The following PLCB1 variants were observed in gnomAD, a reference collection of about 807,000 sequenced individuals.
PLCB1 encodes 1-phosphatidylinositol 4,5-bisphosphate phosphodiesterase beta-1.
A neutral mutation model predicts 161.8 loss-of-function variants in PLCB1; 46 were observed. The ratio of observed to expected loss-of-function variants is 0.28; its 90% CI spans 0.22 to 0.36. PLCB1 has a LOEUF of 0.36. PLCB1 is among the 10% of genes least tolerant of loss of function. The pLI is 1.00. For synonymous variants in PLCB1, 517 were observed against 503.7 expected, an observed-to-expected ratio of 1.03 and a Z score of -0.35; for missense variants, 1,016 against 1,472.5, an observed-to-expected ratio of 0.69 and a Z score of 5.07.
chr20:8,529,827 A>G (rs1984729851), intron 3 of PLCB1, among the ~76,000 whole-genome samples: 1 of 151,988 alleles, frequency 6.6e-6, no homozygotes, highest in South Asian at 2.1e-4. Flanking sequence ...TATTCTTGTC[A>G]TTGCCCCCAA....
At chr20:8,154,798 G>GTAC (rs1471206941) in intron 2 of PLCB1, among the ~76,000 whole-genome samples, 1 of 152,008 alleles carries the variant, frequency 6.6e-6, no homozygotes, top group Non-Finnish European at 1.5e-5. Context: ...TATTCTAGAT[G>GTAC]TACTCCTTTA....
At chr20:8,218,048 C>G (rs1979223718) in intron 2 of PLCB1, among the ~76,000 whole-genome samples, 1 of 152,132 alleles carries the variant, frequency 6.6e-6, no homozygotes, top group Non-Finnish European at 1.5e-5. Context: ...ACAACATGGA[C>G]TAAGACAGGT....
chr20:8,198,012 G>T (rs1190031897), intron 2 of PLCB1, among the ~76,000 whole-genome samples: 1 of 152,052 alleles, frequency 6.6e-6, no homozygotes, highest in Non-Finnish European at 1.5e-5. Flanking sequence ...CTGTTCCATT[G>T]GTCTATATCT....
At chr20:8,535,292 T>C (rs1176629147) in intron 3 of PLCB1, among the ~76,000 whole-genome samples, 3 of 151,418 alleles carry the variant, frequency 2.0e-5, no homozygotes, top group African/African-American at 7.3e-5. Flanking sequence ...ACTATTTTGT[T>C]GTAATTAGAA....
At chr20:8,726,647 C>T (rs554403438) in intron 16 of PLCB1, among the ~76,000 whole-genome samples, 2 of 152,048 alleles carry the variant, frequency 1.3e-5, no homozygotes, top group South Asian at 2.1e-4. Context: ...GGGAACCACG[C>T]CCATAATTCA....
chr20:8,301,844 C>G (rs1161560594), intron 2 of PLCB1, among the ~76,000 whole-genome samples: 2 of 152,252 alleles, frequency 1.3e-5, no homozygotes. Flanking sequence ...GTATTTACGT[C>G]ATCTCCAGGA....
intron 26 of PLCB1, among the ~76,000 whole-genome samples, chr20:8,771,651 T>G (rs1027314540): frequency 6.6e-6 from 1 of 152,094 alleles, no homozygotes; most frequent in African/African-American, 2.4e-5. Context: ...TTCACTTGTT[T>G]TTTTCTTGTG....
chr20:8,418,788 C>T (rs78743514), intron 3 of PLCB1, among the ~76,000 whole-genome samples: 2,985 of 152,230 alleles, frequency 0.02, 99 homozygotes, highest in African/African-American at 0.067. Flanking sequence ...TTGGCTGAAA[C>T]ACACAGATGA....
intron 2 of PLCB1, among the ~76,000 whole-genome samples, chr20:8,310,517 G>A (rs1300252282): frequency 6.6e-6 from 1 of 152,186 alleles, no homozygotes; most frequent in African/African-American, 2.4e-5. Flanking sequence ...TGGGTGCTGG[G>A]ACAGGGATGG....
intron 27 of PLCB1, among the ~76,000 whole-genome samples, chr20:8,784,885 C>T (rs565614730): frequency 6.6e-6 from 1 of 152,026 alleles, no homozygotes; most frequent in African/African-American, 2.4e-5. Flanking sequence ...TGAATGTGAG[C>T]TTTCAGAGCT....
intron 2 of PLCB1, chr20:8,248,937 G>A (rs776617104): frequency 6.6e-6 from 1 of 151,932 alleles, no homozygotes; most frequent in African/African-American, 2.4e-5. Flanking sequence ...TAAGCTGAGA[G>A]ATTTACTTCT....
intron 3 of PLCB1, among the ~76,000 whole-genome samples, chr20:8,566,600 G>T (rs1437698223): frequency 6.6e-6 from 1 of 152,050 alleles, no homozygotes; most frequent in African/African-American, 2.4e-5. Flanking sequence ...GCTTTGTTTT[G>T]CTTGGTTGGT....
chr20:8,377,009 T>C (rs1264314327), intron 3 of PLCB1, among the ~76,000 whole-genome samples: 1 of 151,948 alleles, frequency 6.6e-6, no homozygotes, highest in Non-Finnish European at 1.5e-5. Flanking sequence ...ACTATTTCCA[T>C]GGAGGCAAAT....
At chr20:8,363,230 T>C (rs546044716) in intron 2 of PLCB1, among the ~76,000 whole-genome samples, 1 of 152,300 alleles carries the variant, frequency 6.6e-6, no homozygotes, top group South Asian at 2.1e-4. Flanking sequence ...ACAACAAACA[T>C]TTATTATCTC....
At chr20:8,490,233 C>A (rs1212668661) in intron 3 of PLCB1, among the ~76,000 whole-genome samples, 1 of 152,158 alleles carries the variant, frequency 6.6e-6, no homozygotes, top group Non-Finnish European at 1.5e-5. Flanking sequence ...TAATCCATTT[C>A]TGAGCCAAAA....
Position 8,371,388 on chromosome 20 carries a change from G to A in PLCB1, c.184G>A (p.Glu62Lys). The change falls in exon 3 of 32, where the codon GAG becomes AAG. Residue 62 changes from glutamate (E) to lysine (K), a missense_variant. Transcript: ENST00000338037. ...FYWTDQNKET[E>K]LLDLSLVKDA... The stretch of plus-strand genomic sequence containing the variant: ...TCACGTTTTTGCCTTCCAGGAGACA[G>A]AGCTACTGGATCTCAGCCTTGTCAA... 1 of 1,612,406 alleles carries A rather than the reference G, an allele frequency of 6.2e-7. No homozygotes were observed. The highest frequency in any genetic ancestry group is 8.5e-7 in the Non-Finnish European group (1 of 1,178,808).
chr20:8,489,026 C>G (rs538680395), intron 3 of PLCB1, among the ~76,000 whole-genome samples: 4 of 152,218 alleles, frequency 2.6e-5, no homozygotes, highest in Non-Finnish European at 5.9e-5. Context: ...AAATAAAATA[C>G]CTCATTTTAT....
intron 3 of PLCB1, among the ~76,000 whole-genome samples, chr20:8,425,131 T>TTG (rs1979699456): frequency 1.4e-4 from 4 of 28,848 alleles, no homozygotes; most frequent in African/African-American, 2.0e-4. Context: ...TTCTGAGGTG[T>TTG]TTTTTTTTTT....
At chr20:8,442,683 C>T (rs2122616911) in intron 3 of PLCB1, among the ~76,000 whole-genome samples, 1 of 152,242 alleles carries the variant, frequency 6.6e-6, no homozygotes, top group East Asian at 1.9e-4. Context: ...TTCAGATGGA[C>T]ATTTCTTGAG....
Sources: gnomAD v4.1 joint callset for allele counts (sites outside exome capture counted in the v4.1 genomes callset) on GRCh38, gnomAD v4.1.1 for gene constraint, MANE v1.5 for transcripts, NCBI Gene and HGNC (gene_info 2026-07-23, HGNC 2026-07-21) for gene names.